PLD5: variants seen among roughly 807,000 people sequenced by gnomAD.
PLD5 encodes the protein inactive phospholipase D5.
Under a neutral mutation model 61.1 loss-of-function variants are expected in PLD5, and 36 were observed. That is an observed-to-expected ratio of 0.59 (90% CI 0.45 to 0.78). The LOEUF is 0.78. Among genes scored for constraint, PLD5 ranks in the 30% least tolerant of loss-of-function variants. PLD5 has a pLI of 0.00. For synonymous variants in PLD5, 243 were observed against 242.8 expected (o/e 1.00, Z -0.01); for missense variants, 515 against 644.4 (o/e 0.80, Z 2.17).
intron 1 of PLD5, among the ~76,000 whole-genome samples, chr1:242,491,132 A>G (rs533581287): frequency 1.3e-5 from 2 of 152,320 alleles, no homozygotes; most frequent in Admixed American, 1.3e-4. Flanking sequence ...ATTTCTTGGC[A>G]TCTTCTCCAG....
At chr1:242,282,574 T>C (rs777302502) in intron 3 of PLD5, among the ~76,000 whole-genome samples, 3 of 152,258 alleles carry the variant, frequency 2.0e-5, no homozygotes, top group Non-Finnish European at 4.4e-5. Context: ...GACCAGTATC[T>C]AATTGATTTC....
chr1:242,417,109 C>G (rs910051570), intron 1 of PLD5, among the ~76,000 whole-genome samples: 1 of 152,006 alleles, frequency 6.6e-6, no homozygotes, highest in South Asian at 2.1e-4. Flanking sequence ...AAGAGGTAGC[C>G]CATGTGTAAA....
At chr1:242,451,648 C>T (rs770862471) in intron 1 of PLD5, among the ~76,000 whole-genome samples, 1 of 151,618 alleles carries the variant, frequency 6.6e-6, no homozygotes, top group Non-Finnish European at 1.5e-5. Context: ...TTCGTAGAGA[C>T]AGGGCTTCAC....
intron 1 of PLD5, among the ~76,000 whole-genome samples, chr1:242,458,743 C>T (rs1235053759): frequency 2.0e-5 from 3 of 152,162 alleles, no homozygotes; most frequent in African/African-American, 7.2e-5. Context: ...TTAATTGTTA[C>T]TTGTATACTT....
intron 1 of PLD5, among the ~76,000 whole-genome samples, chr1:242,471,976 A>G (rs906052164): frequency 6.6e-6 from 1 of 152,212 alleles, no homozygotes; most frequent in African/African-American, 2.4e-5. Flanking sequence ...TCCACAGACC[A>G]TCCTTTTTTA....
chr1:242,430,370 G>C (rs908811524), intron 1 of PLD5, among the ~76,000 whole-genome samples: 4 of 152,106 alleles, frequency 2.6e-5, no homozygotes, highest in Non-Finnish European at 1.5e-5. Context: ...GAGAGAAAAA[G>C]AGCTCTGGTC....
chr1:242,138,252 C>G (rs1376898703), intron 5 of PLD5, among the ~76,000 whole-genome samples: 3 of 152,076 alleles, frequency 2.0e-5, no homozygotes, highest in African/African-American at 7.2e-5. Flanking sequence ...ATGTCCTGAT[C>G]CCTGAAATAT....
chr1:242,343,995 C>T (rs151324930), intron 2 of PLD5, among the ~76,000 whole-genome samples: 2,523 of 152,170 alleles, frequency 0.017, 58 homozygotes, highest in African/African-American at 0.052. Context: ...AGGAAACTAA[C>T]CCCTTATCTG....
At chr1:242,495,083 G>A (rs1668326332) in intron 1 of PLD5, among the ~76,000 whole-genome samples, 1 of 152,038 alleles carries the variant, frequency 6.6e-6, no homozygotes, top group Non-Finnish European at 1.5e-5. Context: ...ACTTAACCAA[G>A]TCAAGCAGAC....
intron 4 of PLD5, among the ~76,000 whole-genome samples, chr1:242,226,945 T>A (rs948483849): frequency 6.6e-5 from 10 of 152,296 alleles, no homozygotes; most frequent in Non-Finnish European, 1.0e-4. Flanking sequence ...GTTATTAAAA[T>A]TTTTTTAAAG....
In PLD5 at chr1:242,148,786, C is replaced by T. The variant is rs563735451; in HGVS notation, c.736-24121G>A. ...AATTGCTCATGCTATTGGTTGGGAA[C>T]ATTGATTTTTGTCTATAGAAACACT... On this transcript the variant is annotated intron_variant, in intron 5 of 9. Transcript: ENST00000536534. 1.1e-4 allele frequency among the ~76,000 whole-genome samples: 16 copies of T among 151,876 alleles called. No individual in the cohort carries two copies. In the South Asian group the frequency reaches 3.3e-3, roughly 32 times the overall value.
rs1377903094 is a variant in PLD5, at chr1:242,084,080, A to C, written c.*5774T>G. On this transcript the variant is annotated 3_prime_UTR_variant, in exon 10 of 10. Transcript: ENST00000536534. The stretch of plus-strand genomic sequence containing the variant: ...AAAAAGAGATCTTTTCTCCTTACTA[A>C]TTTATCTCTCATATAAAAATAAATC... The C allele has an allele frequency of 6.6e-6, 1 of 152,100 alleles. No homozygotes were observed. The highest frequency in any genetic ancestry group is 1.5e-5 in the Non-Finnish European group (1 of 68,014). 9.4% of individuals were successfully genotyped at this position (152,100 alleles called of 1,614,324 possible).
At chr1:242,500,372 A>G (rs1326518231) in intron 1 of PLD5, among the ~76,000 whole-genome samples, 1 of 152,354 alleles carries the variant, frequency 6.6e-6, no homozygotes, top group South Asian at 2.1e-4. Context: ...TGTATTTCTG[A>G]TAATCAACTG....
In PLD5 at chr1:242,096,159, C is replaced by T. The variant is rs376449006; in HGVS notation, c.1354+4509G>A. 3.2e-3 allele frequency among the ~76,000 whole-genome samples: 487 copies of T among 151,994 alleles called. 5 individuals are homozygous for T. The highest frequency in any genetic ancestry group is 0.011 in the African/African-American group (470 of 41,470). On this transcript the variant is annotated intron_variant, in intron 9 of 9. Transcript: ENST00000536534. ...ATTTTTAGTAGAGATGGGGTTTCAC[C>T]GTGTTAGCCAGGATGGTCTCAATCT...
At chr1:242,289,006 A>T (rs1337400818) in intron 2 of PLD5, among the ~76,000 whole-genome samples, 1 of 152,184 alleles carries the variant, frequency 6.6e-6, no homozygotes, top group East Asian at 1.9e-4. Flanking sequence ...TGCAGTAATT[A>T]TTGCTGAGCA....
intron 1 of PLD5, among the ~76,000 whole-genome samples, chr1:242,404,800 C>A (rs1664133807): frequency 6.6e-6 from 1 of 151,204 alleles, no homozygotes; most frequent in Non-Finnish European, 1.5e-5. Flanking sequence ...GACTCCCACC[C>A]TTCTTCCATC....
chr1:242,157,416 C>T (rs1182822908), intron 5 of PLD5, among the ~76,000 whole-genome samples: 1 of 152,156 alleles, frequency 6.6e-6, no homozygotes, highest in Non-Finnish European at 1.5e-5. Flanking sequence ...AGTTGTGTTC[C>T]TTTGGAGGAG....
At chr1:242,328,199 C>G (rs1658915504) in intron 2 of PLD5, among the ~76,000 whole-genome samples, 1 of 152,074 alleles carries the variant, frequency 6.6e-6, no homozygotes, top group Non-Finnish European at 1.5e-5. Context: ...TACTAAGAAC[C>G]ATCCTTGTGA....
intron 1 of PLD5, among the ~76,000 whole-genome samples, chr1:242,480,139 T>C (rs934470397): frequency 1.6e-4 from 24 of 151,982 alleles, no homozygotes; most frequent in Admixed American, 1.4e-3. Context: ...ATTAAGATAA[T>C]GTGGTACTGG....
Sources: gnomAD v4.1 joint callset for allele counts (sites outside exome capture counted in the v4.1 genomes callset) on GRCh38, gnomAD v4.1.1 for gene constraint, MANE v1.5 for transcripts, NCBI Gene and HGNC (gene_info 2026-07-23, HGNC 2026-07-21) for gene names.